SPAG16: variants seen among roughly 807,000 people sequenced by gnomAD.
SPAG16 encodes sperm associated antigen 16, also known as sperm-associated antigen 16 protein.
SPAG16 carries 86 observed loss-of-function variants against 80.4 expected under a neutral mutation model. That is an observed-to-expected ratio of 1.07 (90% CI 0.90 to 1.28). The LOEUF is 1.28. Among genes scored for constraint, SPAG16 ranks in the 50% most tolerant of loss-of-function variants. The pLI, the probability that SPAG16 is intolerant of heterozygous loss-of-function variation, is 0.00. For missense variants in SPAG16, 870 were observed against 765.3 expected (o/e 1.14, Z -1.61); for synonymous variants, 294 against 265.9 (o/e 1.11, Z -1.03).
chr2:213,978,853 ACT>A (rs1372220225), intron 12 of SPAG16, among the ~76,000 whole-genome samples: 1 of 151,862 alleles, frequency 6.6e-6, no homozygotes, highest in African/African-American at 2.4e-5. Context: ...TGTTTATGTG[ACT>A]CTGAATAGTC....
At chr2:214,275,109 G>T (rs1471115752) in intron 15 of SPAG16, among the ~76,000 whole-genome samples, 3 of 152,082 alleles carry the variant, frequency 2.0e-5, no homozygotes, top group African/African-American at 7.2e-5. Flanking sequence ...ATTCTCTGAT[G>T]GTAGTTTGTA....
intron 10 of SPAG16, among the ~76,000 whole-genome samples, chr2:213,755,454 T>C (rs1024277972): frequency 6.6e-6 from 1 of 152,224 alleles, no homozygotes; most frequent in Non-Finnish European, 1.5e-5. Flanking sequence ...TTGAAATATA[T>C]AGATAAGTGA....
intron 13 of SPAG16, among the ~76,000 whole-genome samples, chr2:214,016,601 G>T (rs561464713): frequency 6.6e-5 from 10 of 152,292 alleles, no homozygotes; most frequent in African/African-American, 2.2e-4. Context: ...TCAAATAAAG[G>T]ATCCTCCTTT....
intron 9 of SPAG16, among the ~76,000 whole-genome samples, chr2:213,460,390 T>C (rs1212947962): frequency 6.6e-6 from 1 of 152,196 alleles, no homozygotes; most frequent in African/African-American, 2.4e-5. Flanking sequence ...TATCAAGATA[T>C]ATCCATACCA....
At chr2:214,042,921 G>A (rs935431207) in intron 13 of SPAG16, among the ~76,000 whole-genome samples, 1 of 152,004 alleles carries the variant, frequency 6.6e-6, no homozygotes, top group Non-Finnish European at 1.5e-5. Flanking sequence ...TCTATATATT[G>A]GTTGTTAACA....
chr2:213,487,890 C>G (rs1326300728), intron 9 of SPAG16, among the ~76,000 whole-genome samples: 1 of 151,556 alleles, frequency 6.6e-6, no homozygotes, highest in Non-Finnish European at 1.5e-5. Flanking sequence ...AAAATACCAG[C>G]AAAACAATAG....
intron 15 of SPAG16, among the ~76,000 whole-genome samples, chr2:214,338,675 A>T (rs1430899470): frequency 6.6e-6 from 1 of 152,162 alleles, no homozygotes; most frequent in African/African-American, 2.4e-5. Flanking sequence ...TAGAATGAAA[A>T]GGTGAGCCAC....
At chr2:213,491,658 G>A (rs954672484) in intron 10 of SPAG16, among the ~76,000 whole-genome samples, 18 of 152,204 alleles carry the variant, frequency 1.2e-4, no homozygotes, top group African/African-American at 2.7e-4. Flanking sequence ...ATAATGGAAC[G>A]TGTTAGTCAA....
At chr2:213,636,434 T>C (rs1160466743) in intron 10 of SPAG16, among the ~76,000 whole-genome samples, 4 of 152,100 alleles carry the variant, frequency 2.6e-5, no homozygotes, top group African/African-American at 9.6e-5. Context: ...ATCATGTGTG[T>C]GCACTCATTT....
intron 13 of SPAG16, among the ~76,000 whole-genome samples, chr2:214,055,359 G>C (rs1280589694): frequency 6.6e-6 from 1 of 152,044 alleles, no homozygotes; most frequent in Non-Finnish European, 1.5e-5. Flanking sequence ...TTACTAAATG[G>C]ACTACTTTTC....
At chr2:214,334,015 A>C (rs1697110368) in intron 15 of SPAG16, among the ~76,000 whole-genome samples, 1 of 152,220 alleles carries the variant, frequency 6.6e-6, no homozygotes, top group Admixed American at 6.5e-5. Context: ...TTATTACAGG[A>C]GAGTGCTCCC....
intron 10 of SPAG16, among the ~76,000 whole-genome samples, chr2:213,555,656 C>T (rs1431491783): frequency 6.6e-6 from 1 of 152,092 alleles, no homozygotes; most frequent in East Asian, 1.9e-4. Flanking sequence ...ACATACATTC[C>T]CAGATGAATA....
At chr2:213,450,337 G>A (rs968234986) in intron 9 of SPAG16, among the ~76,000 whole-genome samples, 2 of 152,090 alleles carry the variant, frequency 1.3e-5, no homozygotes, top group Admixed American at 1.3e-4. Flanking sequence ...AACAAGAAAA[G>A]AAACTGTTTA....
chr2:214,136,313 G>A (rs2055049464), intron 14 of SPAG16, among the ~76,000 whole-genome samples: 1 of 152,114 alleles, frequency 6.6e-6, no homozygotes. Flanking sequence ...TCAATTCCGA[G>A]CCTGTGTTTT....
At chr2:213,766,190 C>T (rs2068930245) in intron 10 of SPAG16, among the ~76,000 whole-genome samples, 1 of 152,058 alleles carries the variant, frequency 6.6e-6, no homozygotes, top group Non-Finnish European at 1.5e-5. Context: ...TCTCCAAAAC[C>T]AGAAAGTGCA....
intron 10 of SPAG16, among the ~76,000 whole-genome samples, chr2:213,783,433 T>C (rs889756913): frequency 2.7e-5 from 4 of 148,566 alleles, no homozygotes; most frequent in Non-Finnish European, 4.5e-5. Flanking sequence ...AGAGTATCTA[T>C]ATCTATTATT....
intron 10 of SPAG16, among the ~76,000 whole-genome samples, chr2:213,774,130 A>G (rs888861716): frequency 6.6e-6 from 1 of 151,934 alleles, no homozygotes; most frequent in African/African-American, 2.4e-5. Context: ...AATATCTGGG[A>G]TATCTTTTGG....
intron 11 of SPAG16, among the ~76,000 whole-genome samples, chr2:213,918,970 G>A (rs2078090913): frequency 6.6e-6 from 1 of 152,128 alleles, no homozygotes; most frequent in Non-Finnish European, 1.5e-5. Context: ...TGTGGGTTCA[G>A]TGGTAATGTC....
At chr2:214,055,202 A>G (rs1481039361) in intron 13 of SPAG16, among the ~76,000 whole-genome samples, 1 of 152,070 alleles carries the variant, frequency 6.6e-6, no homozygotes, top group Admixed American at 6.6e-5. Context: ...CTCTTCTCAT[A>G]CCCTACTCTA....
Sources: gnomAD v4.1 joint callset for allele counts (sites outside exome capture counted in the v4.1 genomes callset) on GRCh38, gnomAD v4.1.1 for gene constraint, MANE v1.5 for transcripts, NCBI Gene and HGNC (gene_info 2026-07-23, HGNC 2026-07-21) for gene names.